Variants in OGFRL1 observed in about 807,000 individuals in gnomAD.
OGFRL1 encodes opioid growth factor receptor like 1, also known as opioid growth factor receptor-like protein 1.
OGFRL1 carries 26 observed loss-of-function variants against 32.4 expected under a neutral mutation model. The ratio of observed to expected loss-of-function variants is 0.80; its 90% CI spans 0.59 to 1.11. OGFRL1 has a LOEUF of 1.11. Among genes scored for constraint, OGFRL1 ranks in the 50% most tolerant of loss-of-function variants. The probability of loss-of-function intolerance (pLI) is 0.00; values close to 1 mark genes in which losing one functional copy is unlikely to be tolerated. For missense variants in OGFRL1, 521 were observed against 546.4 expected (o/e 0.95, Z 0.46); for synonymous variants, 211 against 201.2 (o/e 1.05, Z -0.41).
Position 71,288,967 on chromosome 6 carries a change from C to G in OGFRL1, c.31C>G (p.Arg11Gly). Residue 11 changes from arginine (R) to glycine (G), a missense_variant, in exon 1 of 7, where the codon CGC becomes GGC. Transcript: ENST00000370435. MGNLLGGVSFREPTTVEDCDS... is the reference protein window; with the variant it reads MGNLLGGVSFGEPTTVEDCDS... Reference sequence around the variant, plus strand: ...CAACCTGCTCGGCGGGGTCAGCTTCCGCGAGCCCACCACCGTGGAGGACTG... The same window carrying G: ...CAACCTGCTCGGCGGGGTCAGCTTCGGCGAGCCCACCACCGTGGAGGACTG... The G allele has an allele frequency of 8.6e-6, 12 of 1,389,706 alleles. No individual in the cohort carries two copies. Among genetic ancestry groups the G allele is most frequent in the Non-Finnish European group, 1.1e-5 (12 of 1,056,510 alleles). 86.1% of individuals were successfully genotyped at this position (1,389,706 alleles called of 1,614,324 possible).
rs1310049393 is a variant in OGFRL1, at chr6:71,301,604, A to G, written c.911A>G (p.Tyr304Cys). Residue 304 changes from tyrosine to cysteine, a missense_variant, in exon 7 of 7, where the codon TAC becomes TGC. Tyr to Cys is a radical substitution (Grantham distance 194). Transcript: ENST00000370435. ...CTCCTGCGGTTCGCCCAGAAACACT[A>G]CACGCCTTCAGAGAACTTTATCTGG... ...RKLLRFAQKH[Y>C]TPSENFIWGP... 1.2e-6 allele frequency: 2 copies of G among 1,614,202 alleles called. No individual in the cohort carries two copies. Among genetic ancestry groups the G allele is most frequent in the Non-Finnish European group, 1.7e-6 (2 of 1,180,034 alleles).
Position 71,303,017 on chromosome 6 carries a change from T to C in OGFRL1, c.*968T>C, listed in dbSNP as rs1450833397. The stretch of plus-strand genomic sequence containing the variant: ...GCTAGCGTGTGTGTTTCTAGTGTAG[T>C]TGGCCCTCCATATTCAGGGGTCCAG... On this transcript the variant is annotated 3_prime_UTR_variant, in exon 7 of 7. Transcript: ENST00000370435. 1 of 152,200 alleles carries C rather than the reference T, an allele frequency of 6.6e-6. No homozygotes were observed. The highest frequency in any genetic ancestry group is 1.5e-5 in the Non-Finnish European group (1 of 68,044). The allele number at this position is 152,200 out of a possible 1,614,324, so 9.4% of individuals were successfully genotyped here. A position where few individuals can be genotyped will look rare whatever the true frequency, so the allele number is the denominator to read the frequency against.
intron 1 of OGFRL1, among the ~76,000 whole-genome samples, chr6:71,290,081 A>G (rs889251501): frequency 1.3e-5 from 2 of 152,190 alleles, no homozygotes; most frequent in East Asian, 1.9e-4. Flanking sequence ...TTGATGATCA[A>G]TTCTATTTAG....
At chr6:71,292,904 T>C (rs1029694265) in intron 1 of OGFRL1, among the ~76,000 whole-genome samples, 3 of 152,208 alleles carry the variant, frequency 2.0e-5, no homozygotes, top group African/African-American at 7.2e-5. Flanking sequence ...ACATTCTTAG[T>C]ATTATGTAAA....
chr6:71,299,479 A>G (rs1323261228), intron 6 of OGFRL1, among the ~76,000 whole-genome samples: 1 of 152,206 alleles, frequency 6.6e-6, no homozygotes, highest in African/African-American at 2.4e-5. Context: ...TGGAGCATAT[A>G]TAGATATAGT....
Position 71,303,492 on chromosome 6 carries a change from C to A in OGFRL1, c.*1443C>A, listed in dbSNP as rs1766460748. On this transcript the variant is annotated 3_prime_UTR_variant, in exon 7 of 7. Coordinates refer to ENST00000370435, the MANE Select transcript of OGFRL1 (RefSeq NM_024576.5). ...AAGAATTTTGCTCTCTATGGCTGTT[C>A]CATATAAATTTGATGGTTGATTCTG... 7 of 152,090 alleles carry A rather than the reference C, an allele frequency of 4.6e-5. No individual in the cohort carries two copies. Among genetic ancestry groups the A allele is most frequent in the Admixed American group, 4.6e-4 (7 of 15,280 alleles). 9.4% of individuals were successfully genotyped at this position (152,090 alleles called of 1,614,324 possible).
rs1010432571 is a variant in OGFRL1 at position 71,288,862 on chromosome 6, T to G, written c.-75T>G. The G allele has an allele frequency of 4.2e-5, 45 of 1,063,688 alleles. No individual in the cohort carries two copies. Among genetic ancestry groups the G allele is most frequent in the Admixed American group, 1.0e-4 (2 of 19,154 alleles). The allele number at this position is 1,063,688 out of a possible 1,614,324, so 65.9% of individuals were successfully genotyped here. Reference sequence around the variant, plus strand: ...CCGCCCAGCGCCCTCGCCGCGGCCATGCCCGGGCCCTAGAGCGCCTGCCGC... The same window carrying G: ...CCGCCCAGCGCCCTCGCCGCGGCCAGGCCCGGGCCCTAGAGCGCCTGCCGC... On this transcript the variant is annotated 5_prime_UTR_variant, in exon 1 of 7. The change abolishes an upstream ATG in the 5' untranslated region. Coordinates refer to ENST00000370435, the MANE Select transcript of OGFRL1 (RefSeq NM_024576.5).
At chr6:71,300,492 T>C (rs753605626) in intron 6 of OGFRL1, among the ~76,000 whole-genome samples, 2 of 151,998 alleles carry the variant, frequency 1.3e-5, no homozygotes, top group East Asian at 1.9e-4. Flanking sequence ...AATTATCAGA[T>C]AGGGAAAGAG....
intron 3 of OGFRL1, among the ~76,000 whole-genome samples, chr6:71,294,661 G>T (rs1766148173): frequency 6.6e-6 from 1 of 152,164 alleles, no homozygotes; most frequent in Non-Finnish European, 1.5e-5. Flanking sequence ...CTGAAAGTCT[G>T]CTGTGATGTG....
chr6:71,297,203 A>G (rs1478502696), intron 6 of OGFRL1, among the ~76,000 whole-genome samples: 1 of 152,140 alleles, frequency 6.6e-6, no homozygotes, highest in African/African-American at 2.4e-5. Flanking sequence ...ATCTGTTTCT[A>G]AGCATAATGC....
chr6:71,300,448 C>G (rs1257283118), intron 6 of OGFRL1, among the ~76,000 whole-genome samples: 1 of 151,858 alleles, frequency 6.6e-6, no homozygotes, highest in Non-Finnish European at 1.5e-5. Flanking sequence ...GAAAATGTAC[C>G]CTTGGAATCA....
Position 71,289,137 on chromosome 6 carries a change from G to A in OGFRL1, c.201G>A (p.Pro67=), listed in dbSNP as rs1765956486. Residue 67 remains proline (P), a synonymous_variant, in exon 1 of 7, where the codon CCG becomes CCA. Coordinates refer to ENST00000370435, the MANE Select transcript of OGFRL1 (RefSeq NM_024576.5). Reference sequence around the variant, plus strand: ...GGCGGCCCGGCGCCAGCCCCGCGCCGGACGAGGACGCCGAGGCGGCGGGCG... The same window carrying A: ...GGCGGCCCGGCGCCAGCCCCGCGCCAGACGAGGACGCCGAGGCGGCGGGCG... The part of the protein sequence containing the change: ...AGGRPGASPA[P]DEDAEAAGAE... 2.7e-6 allele frequency: 3 copies of A among 1,100,948 alleles called. No individual in the cohort carries two copies. Among genetic ancestry groups the A allele is most frequent in the East Asian group, 5.6e-5 (1 of 17,826 alleles). The allele number at this position is 1,100,948 out of a possible 1,614,324, so 68.2% of individuals were successfully genotyped here. A position where few individuals can be genotyped will look rare whatever the true frequency, so the allele number is the denominator to read the frequency against.
chr6:71,289,150 G>C lies in OGFRL1; in HGVS notation c.214G>C (p.Glu72Gln), dbSNP rs1313877729. 16 of 1,083,762 alleles carry C rather than the reference G, an allele frequency of 1.5e-5. No homozygotes were observed. Among genetic ancestry groups the C allele is most frequent in the Non-Finnish European group, 1.8e-5 (16 of 896,108 alleles). The allele number at this position is 1,083,762 out of a possible 1,614,324, so 67.1% of individuals were successfully genotyped here. A position where few individuals can be genotyped will look rare whatever the true frequency, so the allele number is the denominator to read the frequency against. ...CAGCCCCGCGCCGGACGAGGACGCC[G>C]AGGCGGCGGGCGCCGAGCAGGTACG... Reference protein sequence around the residue: ...GASPAPDEDAEAAGAEQGGDS... With the variant: ...GASPAPDEDAQAAGAEQGGDS... The change falls in exon 1 of 7, where the codon GAG becomes CAG. Residue 72 changes from glutamate to glutamine, a missense_variant. Physicochemically the swap from Glu to Gln is conservative, Grantham distance 29. Transcript: ENST00000370435.
rs1158690810 is a variant in OGFRL1 at position 71,289,548 on chromosome 6, TAAAAAAAAAAAAAAAAAAAAA to T, written c.234+390_234+410del. 115 of 541,874 alleles carry T rather than the reference TAAAAAAAAAAAAAAAAAAAAA, an allele frequency of 2.1e-4. 1 individual carries two copies. The highest frequency in any genetic ancestry group is 2.1e-4 in the Non-Finnish European group (102 of 480,178). 33.6% of individuals were successfully genotyped at this position (541,874 alleles called of 1,614,324 possible). A position where few individuals can be genotyped will look rare whatever the true frequency, so the allele number is the denominator to read the frequency against. On this transcript the variant is annotated intron_variant, in intron 1 of 6. Transcript: ENST00000370435. Reference sequence around the variant, plus strand: ...CAACCCCTCTAGTGTGTGTTATTGGTAAAAAAAAAAAAAAAAAAAAAAAAAAAAAAAATTACTCAGAATAAG... The same window carrying T: ...CAACCCCTCTAGTGTGTGTTATTGGTAAAAAAAAAAATTACTCAGAATAAG...
chr6:71,301,762 C>T lies in OGFRL1; in HGVS notation c.1069C>T (p.His357Tyr). 3 of 1,613,896 alleles carry T rather than the reference C, an allele frequency of 1.9e-6. No individual in the cohort carries two copies. The highest frequency in any genetic ancestry group is 2.5e-6 in the Non-Finnish European group (3 of 1,180,014). The change falls in exon 7 of 7, where the codon CAT becomes TAT. Residue 357 changes from histidine (H) to tyrosine (Y), a missense_variant. Transcript: ENST00000370435. ...CTCCAAAAATTCCTCCTCAGCTGTTCATTTAAATAGCAAAACAGCTGAAGA... is the reference window on the plus strand; with the variant it reads ...CTCCAAAAATTCCTCCTCAGCTGTTTATTTAAATAGCAAAACAGCTGAAGA... Reference protein sequence around the residue: ...KDSKNSSSAVHLNSKTAEDKK... With the variant: ...KDSKNSSSAVYLNSKTAEDKK...
In OGFRL1 at chr6:71,307,037, G is replaced by T. The variant is rs201781050; in HGVS notation, c.*4988G>T. ...TCTTTGTCATTTTTTTTCCTATTCT[G>T]TTGTGAAGTTTATTGTTTCAGTTAT... On this transcript the variant is annotated 3_prime_UTR_variant, in exon 7 of 7. Transcript: ENST00000370435. The T allele has an allele frequency of 6.4e-4, 98 of 152,058 alleles. No homozygotes were observed. The highest frequency in any genetic ancestry group is 2.5e-3 in the East Asian group (13 of 5,168). The allele number at this position is 152,058 out of a possible 1,614,324, so 9.4% of individuals were successfully genotyped here. A position where few individuals can be genotyped will look rare whatever the true frequency, so the allele number is the denominator to read the frequency against.
At chr6:71,289,815 A>T (rs897821318) in intron 1 of OGFRL1, 1 of 985,294 alleles carries the variant, frequency 1.0e-6, no homozygotes. Flanking sequence ...AGGAGAGGTT[A>T]GTCAAGAGAT....
intron 6 of OGFRL1, among the ~76,000 whole-genome samples, chr6:71,299,680 AGT>A (rs2149355873): frequency 6.6e-6 from 1 of 152,262 alleles, no homozygotes; most frequent in African/African-American, 2.4e-5. Context: ...TTTGTCAGTA[AGT>A]ATTTAGAGTA....
chr6:71,289,576 A>T, intron 1 of OGFRL1: 1 of 971,356 alleles, frequency 1.0e-6, no homozygotes, highest in Non-Finnish European at 1.2e-6. Flanking sequence ...AAAAAAAAAA[A>T]AAAATTACTC....
Sources: allele counts gnomAD v4.1 joint callset (sites outside exome capture counted in the v4.1 genomes callset), GRCh38; gene constraint gnomAD v4.1.1; transcripts MANE v1.5; gene names NCBI Gene and HGNC (gene_info 2026-07-23, HGNC 2026-07-21).